The following SLC1A1 variants were observed in gnomAD, a reference collection of about 807,000 sequenced individuals.
SLC1A1 encodes the protein solute carrier family 1 member 1.
SLC1A1 carries 43 observed loss-of-function variants against 53.3 expected under a neutral mutation model. The observed-to-expected ratio is 0.81, with a 90% CI of 0.63 to 1.04. The LOEUF (loss-of-function observed/expected upper bound fraction) is 1.04, where lower values mean the gene tolerates loss of function less well. Among genes scored for constraint, SLC1A1 ranks in the 50% least tolerant of loss-of-function variants. The probability of loss-of-function intolerance (pLI) is 0.00; values close to 1 mark genes in which losing one functional copy is unlikely to be tolerated. For missense variants in SLC1A1, 748 were observed against 664.9 expected (o/e 1.12, Z -1.37); for synonymous variants, 307 against 243.2 (o/e 1.26, Z -2.44).
chr9:4,536,211 A>C (rs1446853082), intron 1 of SLC1A1, among the ~76,000 whole-genome samples: 1 of 152,210 alleles, frequency 6.6e-6, no homozygotes, highest in Non-Finnish European at 1.5e-5. Context: ...CATTAAACCA[A>C]AGAGCTTCTG....
chr9:4,531,844 C>A (rs10815009), intron 1 of SLC1A1, among the ~76,000 whole-genome samples: 4 of 151,844 alleles, frequency 2.6e-5, no homozygotes, highest in Admixed American at 6.5e-5. Flanking sequence ...GCAGGGTAAC[C>A]CTCTGAGACA....
At chr9:4,574,852 C>T (rs530669143) in intron 8 of SLC1A1, among the ~76,000 whole-genome samples, 14 of 152,286 alleles carry the variant, frequency 9.2e-5, no homozygotes, top group South Asian at 2.1e-4. Flanking sequence ...TCCAACACAG[C>T]GCATTTGGTT....
chr9:4,547,068 C>T (rs1261422176), intron 2 of SLC1A1, among the ~76,000 whole-genome samples: 2 of 152,186 alleles, frequency 1.3e-5, no homozygotes, highest in Non-Finnish European at 2.9e-5. Flanking sequence ...ATGTCTAATT[C>T]TGTAATATCA....
rs182493163 is a variant in SLC1A1, at chr9:4,526,822, G to A, written c.92-17745G>A. Among the ~76,000 whole-genome samples the A allele has an allele frequency of 5.9e-5, 9 of 151,694 alleles. 1 individual carries two copies. Among genetic ancestry groups the A allele is most frequent in the East Asian group, 4.0e-4 (2 of 4,948 alleles). Reference sequence around the variant, plus strand: ...TAGTTGTAGTAGGCAGTTCTGAGACGGCACCCAAGATTGCTACTTCTTGGC... The same window carrying A: ...TAGTTGTAGTAGGCAGTTCTGAGACAGCACCCAAGATTGCTACTTCTTGGC... On this transcript the variant is annotated intron_variant, in intron 1 of 11. Coordinates refer to ENST00000262352, the MANE Select transcript of SLC1A1 (RefSeq NM_004170.6).
intron 1 of SLC1A1, among the ~76,000 whole-genome samples, chr9:4,493,118 T>C (rs1188251403): frequency 6.6e-6 from 1 of 152,196 alleles, no homozygotes; most frequent in Non-Finnish European, 1.5e-5. Flanking sequence ...AGAGCTTAGT[T>C]TGAGTACTTT....
chr9:4,569,505 G>A (rs549112127), intron 6 of SLC1A1, among the ~76,000 whole-genome samples: 12 of 152,336 alleles, frequency 7.9e-5, no homozygotes, highest in African/African-American at 2.9e-4. Context: ...CAGAATTGGA[G>A]ATCAGAATGT....
rs1472896932 is a variant in SLC1A1 at position 4,549,036 on chromosome 9, G to T, written c.232+4329G>T. ...AGAATTGTGGCTCTGGAAAAATCCTGGTCCAGCCAGTGAGTTTAAATTCAG... is the reference window on the plus strand; with the variant it reads ...AGAATTGTGGCTCTGGAAAAATCCTTGTCCAGCCAGTGAGTTTAAATTCAG... On this transcript the variant is annotated intron_variant, in intron 2 of 11. Coordinates refer to ENST00000262352, the MANE Select transcript of SLC1A1 (RefSeq NM_004170.6). The surrounding 1 kb of genome is among the most constrained non-coding windows in gnomAD (Gnocchi z 4.1). Among the ~76,000 whole-genome samples, 1 of 152,162 alleles carries T rather than the reference G, an allele frequency of 6.6e-6. No individual in the cohort carries two copies. Among genetic ancestry groups the T allele is most frequent in the African/African-American group, 2.4e-5 (1 of 41,436 alleles).
chr9:4,565,526 G>A (rs905392139), intron 4 of SLC1A1, among the ~76,000 whole-genome samples: 1 of 152,136 alleles, frequency 6.6e-6, no homozygotes, highest in Non-Finnish European at 1.5e-5. Flanking sequence ...GAGCAAGGGC[G>A]AAGGGAGAAG....
At chr9:4,563,737 C>G (rs1385111374) in intron 3 of SLC1A1, among the ~76,000 whole-genome samples, 1 of 152,186 alleles carries the variant, frequency 6.6e-6, no homozygotes, top group East Asian at 1.9e-4. Context: ...GATGCTCTGC[C>G]ATGTAGACAG....
rs886063972 is a variant in SLC1A1, at chr9:4,586,277, T to A, written c.*719T>A. On this transcript the variant is annotated 3_prime_UTR_variant, in exon 12 of 12. Transcript: ENST00000262352. Reference sequence around the variant, plus strand: ...ATAATTTGCCAGACAGAGATCAGAATTGAACCGTCAATGTGAAATAAAGAG... The same window carrying A: ...ATAATTTGCCAGACAGAGATCAGAAATGAACCGTCAATGTGAAATAAAGAG... 5.3e-5 allele frequency: 8 copies of A among 152,144 alleles called. No individual in the cohort carries two copies. Among genetic ancestry groups the A allele is most frequent in the Middle Eastern group, 3.4e-3 (1 of 294 alleles). 9.4% of individuals were successfully genotyped at this position (152,144 alleles called of 1,614,324 possible).
At chr9:4,570,261 A>C (rs536044049) in intron 6 of SLC1A1, among the ~76,000 whole-genome samples, 30 of 152,282 alleles carry the variant, frequency 2.0e-4, no homozygotes, top group Non-Finnish European at 4.0e-4. Flanking sequence ...TTGTCTCTCC[A>C]GCTGAATCTT....
intron 8 of SLC1A1, among the ~76,000 whole-genome samples, chr9:4,574,594 G>C (rs2129795697): frequency 6.6e-6 from 1 of 152,286 alleles, no homozygotes; most frequent in Admixed American, 6.5e-5. Context: ...CAGGAAGGCA[G>C]CAGGGGTTGG....
intron 1 of SLC1A1, among the ~76,000 whole-genome samples, chr9:4,517,143 G>A (rs1242307929): frequency 2.0e-5 from 3 of 152,146 alleles, no homozygotes; most frequent in Non-Finnish European, 4.4e-5. Flanking sequence ...CACCTGACAC[G>A]TTAATTTCTT....
In SLC1A1 at chr9:4,566,038, C is replaced by T. The variant is rs1441882522; in HGVS notation, c.441-9C>T. On this transcript the variant is annotated splice_polypyrimidine_tract_variant and intron_variant, in intron 4 of 11. Coordinates refer to ENST00000262352, the MANE Select transcript of SLC1A1 (RefSeq NM_004170.6). Reference sequence around the variant, plus strand: ...CCTAACATAATACTGCCTTTTATGTCTCCAACAGGAATATGTTCCCTGAGA... The same window carrying T: ...CCTAACATAATACTGCCTTTTATGTTTCCAACAGGAATATGTTCCCTGAGA... 1 of 1,610,758 alleles carries T rather than the reference C, an allele frequency of 6.2e-7. No individual in the cohort carries two copies.
intron 2 of SLC1A1, chr9:4,553,917 T>C (rs1354208705): frequency 6.6e-6 from 1 of 152,198 alleles, no homozygotes; most frequent in Non-Finnish European, 1.5e-5. Flanking sequence ...CCTTTGAACA[T>C]CCAGGGAGTA....
intron 1 of SLC1A1, among the ~76,000 whole-genome samples, chr9:4,494,785 A>C (rs1820356898): frequency 2.0e-5 from 3 of 152,120 alleles, no homozygotes; most frequent in Non-Finnish European, 4.4e-5. Flanking sequence ...TCCAATAATG[A>C]TTATATAGTA....
chr9:4,515,732 TG>T (rs1451320706), intron 1 of SLC1A1, among the ~76,000 whole-genome samples: 4 of 152,204 alleles, frequency 2.6e-5, no homozygotes, highest in African/African-American at 9.7e-5. Context: ...AGTATTCTCT[TG>T]GTAAAAGAGT....
intron 8 of SLC1A1, among the ~76,000 whole-genome samples, chr9:4,574,813 C>G (rs1021898550): frequency 6.6e-6 from 1 of 152,186 alleles, no homozygotes; most frequent in Non-Finnish European, 1.5e-5. Flanking sequence ...AATGAACTCA[C>G]CTATTGGAAC....
chr9:4,532,680 A>C (rs1422063903), intron 1 of SLC1A1, among the ~76,000 whole-genome samples: 1 of 152,188 alleles, frequency 6.6e-6, no homozygotes, highest in Non-Finnish European at 1.5e-5. Context: ...CCAGCAAGTC[A>C]GGCCAACATT....
Sources: gnomAD v4.1 joint callset for allele counts (sites outside exome capture counted in the v4.1 genomes callset) on GRCh38, gnomAD v4.1.1 for gene constraint, Gnocchi (gnomAD v3.1) non-coding constraint, MANE v1.5 for transcripts, NCBI Gene and HGNC (gene_info 2026-07-23, HGNC 2026-07-21) for gene names.